The following MYOM1 variants were observed in gnomAD, a reference collection of about 807,000 sequenced individuals.
MYOM1 encodes myomesin-1.
A neutral mutation model predicts 205.3 loss-of-function variants in MYOM1; 164 were observed. That is an observed-to-expected ratio of 0.80 (90% CI 0.70 to 0.91). The LOEUF (loss-of-function observed/expected upper bound fraction) is 0.91, where lower values mean the gene tolerates loss of function less well. MYOM1 is among the 40% of genes least tolerant of loss of function. The pLI is 0.00. For synonymous variants in MYOM1, 772 were observed against 789.4 expected, an observed-to-expected ratio of 0.98 and a Z score of 0.37; for missense variants, 2,011 against 2,127.3, an observed-to-expected ratio of 0.95 and a Z score of 1.08.
Position 3,189,963 on chromosome 18 carries a change from A to C in MYOM1, c.432-876T>G, listed in dbSNP as rs2080881980. On this transcript the variant is annotated intron_variant, in intron 3 of 37. Transcript: ENST00000356443. The surrounding 1 kb of genome is among the most constrained non-coding windows in gnomAD (Gnocchi z 4.8). ...AATTTACATGAGGTTCCTTATGCCT[A>C]CTGGGTTTCTTTCTAAGATAATACA... 6.6e-6 allele frequency among the ~76,000 whole-genome samples: 1 copy of C among 152,124 alleles called. No individual in the cohort carries two copies. The highest frequency in any genetic ancestry group is 2.4e-5 in the African/African-American group (1 of 41,418).
At chr18:3,218,455 A>T (rs533556184) in intron 1 of MYOM1, among the ~76,000 whole-genome samples, 1 of 152,366 alleles carries the variant, frequency 6.6e-6, no homozygotes, top group South Asian at 2.1e-4. Context: ...CTTAGGGTTC[A>T]TGGAAGATAT....
chr18:3,228,014 A>G, the MYOM1 span, among the ~76,000 whole-genome samples: 1 of 152,186 alleles, frequency 6.6e-6, no homozygotes, highest in East Asian at 1.9e-4. This position sits in a 1 kb window ranked among gnomAD's most constrained non-coding sequence, Gnocchi z 4.5. Flanking sequence ...CTTGCAAACT[A>G]AAAAGTGATC....
chr18:3,160,285 T>C (rs1316906438), intron 10 of MYOM1, among the ~76,000 whole-genome samples: 1 of 152,076 alleles, frequency 6.6e-6, no homozygotes, highest in African/African-American at 2.4e-5. Context: ...CCTCTTGGGC[T>C]CAAGCAATCC....
the MYOM1 span, among the ~76,000 whole-genome samples, chr18:3,232,936 C>A: frequency 6.6e-6 from 1 of 152,130 alleles, no homozygotes; most frequent in African/African-American, 2.4e-5. Flanking sequence ...GTAGTACAAT[C>A]TGATTTGGAG....
chr18:3,152,250 A>T lies in MYOM1; in HGVS notation c.1644-357T>A, dbSNP rs2080233256. On this transcript the variant is annotated intron_variant, in intron 11 of 37. Transcript: ENST00000356443. This position sits in a 1 kb window ranked among gnomAD's most constrained non-coding sequence, Gnocchi z 4.3. Reference sequence around the variant, plus strand: ...AACATCTCCCCGGCTGATGCCTTCAATTCTACCATTAGTGACTTCTTTGTC... The same window carrying T: ...AACATCTCCCCGGCTGATGCCTTCATTTCTACCATTAGTGACTTCTTTGTC... Among the ~76,000 whole-genome samples, 1 of 152,226 alleles carries T rather than the reference A, an allele frequency of 6.6e-6. No homozygotes were observed. Among genetic ancestry groups the T allele is most frequent in the Non-Finnish European group, 1.5e-5 (1 of 68,038 alleles).
chr18:3,238,943 C>T, the MYOM1 span, among the ~76,000 whole-genome samples: 1 of 152,188 alleles, frequency 6.6e-6, no homozygotes. Flanking sequence ...TCCAAGACCT[C>T]TTGTGGCAAC....
intron 12 of MYOM1, among the ~76,000 whole-genome samples, chr18:3,151,073 G>T (rs533013343): frequency 1.4e-5 from 2 of 147,982 alleles, no homozygotes; most frequent in African/African-American, 2.5e-5. Flanking sequence ...GAACTCCTAG[G>T]CTCAAGCCAT....
chr18:3,176,173 G>A (rs749294418), intron 5 of MYOM1, 39 bp from the exon 6 acceptor site: 1 of 1,216,782 alleles, frequency 8.2e-7, no homozygotes, highest in Non-Finnish European at 1.2e-6. Flanking sequence ...AAGTTGAAGT[G>A]TAAACAACTT....
At chr18:3,121,407 T>G (rs1331605244) in intron 19 of MYOM1, among the ~76,000 whole-genome samples, 1 of 152,018 alleles carries the variant, frequency 6.6e-6, no homozygotes, top group African/African-American at 2.4e-5. Flanking sequence ...AAAGGCAAAT[T>G]ACCCTCAAAC....
the MYOM1 span, among the ~76,000 whole-genome samples, chr18:3,230,679 G>A: frequency 3.3e-5 from 5 of 152,172 alleles, no homozygotes; most frequent in African/African-American, 1.2e-4. Context: ...CCTTTACCTA[G>A]GGTGTACACC....
At chr18:3,158,395 C>T (rs369736212) in intron 10 of MYOM1, among the ~76,000 whole-genome samples, 168 of 152,240 alleles carry the variant, frequency 1.1e-3, no homozygotes, top group African/African-American at 3.8e-3. Flanking sequence ...TTCCCCCAAA[C>T]ATTTTTTTCA....
chr18:3,098,260 T>C (rs1036554139), intron 25 of MYOM1, among the ~76,000 whole-genome samples: 15 of 152,112 alleles, frequency 9.9e-5, no homozygotes, highest in Non-Finnish European at 2.1e-4. Flanking sequence ...TCTTACAGCA[T>C]TTATTTTATT....
At chr18:3,090,273 G>A (rs2079205613) in intron 27 of MYOM1, among the ~76,000 whole-genome samples, 1 of 143,450 alleles carries the variant, frequency 7.0e-6, no homozygotes, top group African/African-American at 2.6e-5. Context: ...AGGCTGGAGT[G>A]CAGTGGTGCG....
chr18:3,236,860 G>T, the MYOM1 span, among the ~76,000 whole-genome samples: 3 of 152,180 alleles, frequency 2.0e-5, no homozygotes, highest in African/African-American at 7.2e-5. Context: ...CATGTGATTA[G>T]CGAAATTAGG....
chr18:3,127,239 T>C (rs1038905134), intron 18 of MYOM1, among the ~76,000 whole-genome samples: 3 of 147,850 alleles, frequency 2.0e-5, no homozygotes, highest in East Asian at 2.0e-4. Flanking sequence ...GAAAATGGAA[T>C]GTGTATATCA....
chr18:3,225,505 G>C, the MYOM1 span, among the ~76,000 whole-genome samples: 1 of 152,138 alleles, frequency 6.6e-6, no homozygotes, highest in African/African-American at 2.4e-5. Flanking sequence ...AAAGGAGGGG[G>C]GTAGCAAGTG....
At chr18:3,165,362 G>A (rs2080452791) in intron 9 of MYOM1, among the ~76,000 whole-genome samples, 1 of 152,116 alleles carries the variant, frequency 6.6e-6, no homozygotes, top group Admixed American at 6.5e-5. Flanking sequence ...ATGATTTCAT[G>A]ATTTGTATAA....
chr18:3,187,057 TA>T (rs1156401985), intron 5 of MYOM1, among the ~76,000 whole-genome samples: 1 of 152,114 alleles, frequency 6.6e-6, no homozygotes, highest in African/African-American at 2.4e-5. Context: ...ATGGGAGTTT[TA>T]GTTAAAGGGA....
At chr18:3,144,751 A>G (rs766157196) in intron 13 of MYOM1, among the ~76,000 whole-genome samples, 55 of 152,348 alleles carry the variant, frequency 3.6e-4, no homozygotes, top group Non-Finnish European at 4.6e-4. Flanking sequence ...TTATAACAAT[A>G]AAGTGGTCAA....
Sources: allele counts gnomAD v4.1 joint callset (sites outside exome capture counted in the v4.1 genomes callset), GRCh38; gene constraint gnomAD v4.1.1; non-coding constraint Gnocchi (gnomAD v3.1); transcripts MANE v1.5; gene names NCBI Gene and HGNC (gene_info 2026-07-23, HGNC 2026-07-21).